The following VTI1B variants were observed in gnomAD, a reference collection of about 807,000 sequenced individuals.
VTI1B encodes the protein vesicle transport through interaction with t-SNAREs 1B.
Under a neutral mutation model 28.6 loss-of-function variants are expected in VTI1B, and 18 were observed. The observed-to-expected ratio is 0.63, with a 90% CI of 0.43 to 0.93. The LOEUF (loss-of-function observed/expected upper bound fraction) is 0.93. VTI1B is among the 40% of genes least tolerant of loss of function. The pLI, the probability that VTI1B is intolerant of heterozygous loss-of-function variation, is 0.00. For synonymous variants in VTI1B, 100 were observed against 107.9 expected, an observed-to-expected ratio of 0.93 and a Z score of 0.46; for missense variants, 283 against 297.0, an observed-to-expected ratio of 0.95 and a Z score of 0.35.
intron 5 of VTI1B, among the ~76,000 whole-genome samples, chr14:67,653,087 C>T (rs534833473): frequency 3.9e-5 from 6 of 152,184 alleles, no homozygotes; most frequent in Non-Finnish European, 7.3e-5. Context: ...CCGCACGGGG[C>T]TGAGATTATA....
In VTI1B at chr14:67,650,052, AG is replaced by A. The variant is rs1369909541; in HGVS notation, c.*1332del. 1 of 152,382 alleles carries A rather than the reference AG, an allele frequency of 6.6e-6. No individual in the cohort carries two copies. Among genetic ancestry groups the A allele is most frequent in the African/African-American group, 2.4e-5 (1 of 41,444 alleles). The allele number at this position is 152,382 out of a possible 1,614,324, so 9.4% of individuals were successfully genotyped here. The stretch of plus-strand genomic sequence containing the variant: ...CCTTAACAGAAGGTAACTGAAGTCC[AG>A]ATAAAATAATTAACATATGGCTGAA... On this transcript the variant is annotated 3_prime_UTR_variant, in exon 6 of 6. Transcript: ENST00000554659.
At chr14:67,653,934 A>G (rs1457942597) in intron 4 of VTI1B, among the ~76,000 whole-genome samples, 1 of 151,942 alleles carries the variant, frequency 6.6e-6, no homozygotes, top group African/African-American at 2.4e-5. Context: ...TTTTTTCTTT[A>G]CCCTCTTAAG....
In VTI1B at chr14:67,650,690, G is replaced by C; in HGVS notation, c.*695C>G. 6.2e-7 allele frequency: 1 copy of C among 1,611,086 alleles called. No individual in the cohort carries two copies. Among genetic ancestry groups the C allele is most frequent in the Non-Finnish European group, 8.5e-7 (1 of 1,178,406 alleles). ...GAGAGTAGCAGCAAGGGAACCTGAG[G>C]TTTTGTCACACTTTGTTCTTCCAGG... is the stretch of plus-strand genomic sequence containing the variant. On this transcript the variant is annotated 3_prime_UTR_variant, in exon 6 of 6. Transcript: ENST00000554659.
Position 67,651,117 on chromosome 14 carries a change from C to G in VTI1B, c.*268G>C, listed in dbSNP as rs902668423. On this transcript the variant is annotated 3_prime_UTR_variant, in exon 6 of 6. Transcript: ENST00000554659. ...AATGTATTTGGTTTTTTGCAGTTCA[C>G]AGGGTATTAATATGCTACAGTACTA... 6.6e-6 allele frequency: 6 copies of G among 913,646 alleles called. No homozygotes were observed. The highest frequency in any genetic ancestry group is 1.6e-6 in the Non-Finnish European group (1 of 616,812). 56.6% of individuals were successfully genotyped at this position (913,646 alleles called of 1,614,324 possible).
chr14:67,663,088 A>G (rs1429386410), intron 1 of VTI1B: 1 of 1,493,554 alleles, frequency 6.7e-7, no homozygotes, highest in African/African-American at 1.4e-5. Context: ...TGGCACCGGC[A>G]ATGACTTGAA....
intron 3 of VTI1B, among the ~76,000 whole-genome samples, chr14:67,658,319 G>GCA (rs962446858): frequency 6.6e-6 from 1 of 152,164 alleles, no homozygotes; most frequent in Admixed American, 6.5e-5. Context: ...AACTCGCCAG[G>GCA]CGTGGTGGGT....
chr14:67,656,942 G>T (rs572117259), intron 3 of VTI1B, among the ~76,000 whole-genome samples: 1 of 152,296 alleles, frequency 6.6e-6, no homozygotes, highest in South Asian at 2.1e-4. Flanking sequence ...GCCCAGATGT[G>T]GGAGCTACCT....
intron 1 of VTI1B, among the ~76,000 whole-genome samples, chr14:67,668,661 G>GGA (rs1555384771): frequency 1.3e-5 from 2 of 151,998 alleles, no homozygotes; most frequent in Non-Finnish European, 2.9e-5. Flanking sequence ...GAAACACAGT[G>GGA]AAAAAAAGAC....
chr14:67,666,892 T>C (rs2037408304), intron 1 of VTI1B, among the ~76,000 whole-genome samples: 1 of 152,256 alleles, frequency 6.6e-6, no homozygotes, highest in Admixed American at 6.5e-5. Context: ...GTATAGCCTT[T>C]AACAACTGGT....
chr14:67,651,180 T>G lies in VTI1B; in HGVS notation c.*205A>C. ...GAAGTCATAAACAGCATTTATTACC[T>G]TGGTATATCATACTGGTCTTGTTGC... On this transcript the variant is annotated 3_prime_UTR_variant, in exon 6 of 6. Transcript: ENST00000554659. The G allele has an allele frequency of 9.7e-7, 1 of 1,032,282 alleles. No individual in the cohort carries two copies. The highest frequency in any genetic ancestry group is 1.4e-6 in the Non-Finnish European group (1 of 729,820). The allele number at this position is 1,032,282 out of a possible 1,614,324, so 63.9% of individuals were successfully genotyped here.
At chr14:67,674,353 G>A in intron 1 of VTI1B, 22 bp downstream of exon 1, 1 of 1,569,812 alleles carries the variant, frequency 6.4e-7, no homozygotes, top group Non-Finnish European at 8.6e-7. Flanking sequence ...GCTCCCCACG[G>A]CGTGGCCCAC....
chr14:67,660,559 G>T lies in VTI1B; in HGVS notation c.175-637C>A, dbSNP rs1435170092. On this transcript the variant is annotated intron_variant, in intron 2 of 5. Coordinates refer to ENST00000554659, the MANE Select transcript of VTI1B (RefSeq NM_006370.3). ...GTCTACTGTATTAAAAATGATAGGG[G>T]TCTGGCATCAGGGTTCTTCCCTTCT... 3.9e-5 allele frequency among the ~76,000 whole-genome samples: 6 copies of T among 152,116 alleles called. 1 individual carries two copies. Among genetic ancestry groups the T allele is most frequent in the Admixed American group, 3.9e-4 (6 of 15,278 alleles).
In VTI1B at chr14:67,662,549, A is replaced by G; in HGVS notation, c.116-14T>C. 3.7e-6 allele frequency: 6 copies of G among 1,602,960 alleles called. No individual in the cohort carries two copies. The highest frequency in any genetic ancestry group is 4.3e-6 in the Non-Finnish European group (5 of 1,173,188). On this transcript the variant is annotated splice_polypyrimidine_tract_variant and intron_variant, in intron 1 of 5. Coordinates refer to ENST00000554659, the MANE Select transcript of VTI1B (RefSeq NM_006370.3). ...TCTTCTTTTCTTCTAGAAAAGATAGATAAGTTTCAAATGCTTATTACTGTT... is the reference window on the plus strand; with the variant it reads ...TCTTCTTTTCTTCTAGAAAAGATAGGTAAGTTTCAAATGCTTATTACTGTT...
chr14:67,659,618 G>T, intron 3 of VTI1B, 113 bp downstream of exon 3: 6 of 1,090,348 alleles, frequency 5.5e-6, no homozygotes, highest in Non-Finnish European at 7.5e-6. Flanking sequence ...TGAAAAAAAT[G>T]AAACAAGAGT....
At chr14:67,669,361 C>T (rs763307656) in intron 1 of VTI1B, among the ~76,000 whole-genome samples, 4 of 150,950 alleles carry the variant, frequency 2.6e-5, no homozygotes, top group African/African-American at 9.8e-5. Flanking sequence ...CTTCAAACTG[C>T]TAGACTCAAG....
At chr14:67,666,826 G>A (rs1360394366) in intron 1 of VTI1B, among the ~76,000 whole-genome samples, 1 of 152,164 alleles carries the variant, frequency 6.6e-6, no homozygotes, top group African/African-American at 2.4e-5. Flanking sequence ...AGGCTTTTCT[G>A]TATATTAAAC....
At chr14:67,658,788 C>A (rs372905581) in intron 3 of VTI1B, among the ~76,000 whole-genome samples, 14 of 152,128 alleles carry the variant, frequency 9.2e-5, no homozygotes, top group Non-Finnish European at 1.6e-4. Flanking sequence ...TAATCCCTCG[C>A]GCATCCATTT....
chr14:67,662,105 G>A (rs564096047), intron 2 of VTI1B, among the ~76,000 whole-genome samples: 7 of 151,702 alleles, frequency 4.6e-5, no homozygotes, highest in Admixed American at 3.3e-4. Flanking sequence ...GCAGTGAGCC[G>A]AGACTGTGCC....
At chr14:67,655,953 T>C (rs969451930) in intron 4 of VTI1B, among the ~76,000 whole-genome samples, 2 of 152,050 alleles carry the variant, frequency 1.3e-5, no homozygotes, top group African/African-American at 4.8e-5. Context: ...AAACTAAAAA[T>C]TGAGCAAAGC....
Sources: allele counts gnomAD v4.1 joint callset (sites outside exome capture counted in the v4.1 genomes callset), GRCh38; gene constraint gnomAD v4.1.1; transcripts MANE v1.5; gene names NCBI Gene and HGNC (gene_info 2026-07-23, HGNC 2026-07-21).